The following LSAMP variants were observed in gnomAD, a reference collection of about 807,000 sequenced individuals.
LSAMP encodes limbic system associated membrane protein.
Under a neutral mutation model 38.6 loss-of-function variants are expected in LSAMP, and 7 were observed. That is an observed-to-expected ratio of 0.18 (90% CI 0.10 to 0.34). The LOEUF (loss-of-function observed/expected upper bound fraction) is 0.34. Ranked by LOEUF, LSAMP falls within the 10% of genes least tolerant of loss-of-function variation. The pLI is 1.00. For synonymous variants in LSAMP, 154 were observed against 166.8 expected (o/e 0.92, Z 0.59); for missense variants, 313 against 420.0 (o/e 0.75, Z 2.23).
intron 1 of LSAMP, among the ~76,000 whole-genome samples, chr3:116,222,414 C>T (rs976354334): frequency 6.6e-6 from 1 of 151,784 alleles, no homozygotes; most frequent in Non-Finnish European, 1.5e-5. Context: ...AAAAAATGTC[C>T]CCTTCAGGGC....
At chr3:116,269,776 T>A (rs1274752831) in intron 1 of LSAMP, among the ~76,000 whole-genome samples, 1 of 152,162 alleles carries the variant, frequency 6.6e-6, no homozygotes, top group African/African-American at 2.4e-5. Context: ...TGGTTCTTTG[T>A]TTGATCAATT....
intron 1 of LSAMP, among the ~76,000 whole-genome samples, chr3:116,303,101 GA>G (rs2107708268): frequency 6.7e-6 from 1 of 149,474 alleles, no homozygotes; most frequent in Admixed American, 6.7e-5. Context: ...CCAAAAAAAT[GA>G]AATAGCAAGA....
At chr3:115,988,427 A>G (rs897519141) in intron 3 of LSAMP, among the ~76,000 whole-genome samples, 13 of 152,080 alleles carry the variant, frequency 8.5e-5, no homozygotes, top group Admixed American at 4.6e-4. Context: ...GGTAGGGAAT[A>G]GAATGTCTGT....
At chr3:116,177,471 G>A (rs1710375945) in intron 1 of LSAMP, among the ~76,000 whole-genome samples, 1 of 151,996 alleles carries the variant, frequency 6.6e-6, no homozygotes, top group Non-Finnish European at 1.5e-5. Context: ...TTCAATAAAT[G>A]CAAAATAGGT....
intron 3 of LSAMP, among the ~76,000 whole-genome samples, chr3:115,859,285 T>C (rs116576385): frequency 0.011 from 1,686 of 151,938 alleles, 32 homozygotes; most frequent in African/African-American, 0.039. Context: ...GTAGATGCAG[T>C]CGTCAAAAGC....
At chr3:115,944,383 G>C (rs1051399123) in intron 3 of LSAMP, among the ~76,000 whole-genome samples, 36 of 151,914 alleles carry the variant, frequency 2.4e-4, no homozygotes, top group African/African-American at 8.5e-4. Flanking sequence ...TTGAACCTTT[G>C]GGTGACTGTC....
rs531895409 is a variant in LSAMP, at chr3:116,424,191, G to A, written c.155+20686C>T. Among the ~76,000 whole-genome samples, 13 of 152,224 alleles carry A rather than the reference G, an allele frequency of 8.5e-5. No individual in the cohort carries two copies. The East Asian group carries it at 1.4e-3, about 16-fold the overall frequency. On this transcript the variant is annotated intron_variant, in intron 1 of 6. Transcript: ENST00000490035. ...CATGTCCTCCTTTCCTCCTTTACTC[G>A]GGTCTGGTGAGGACTAATTAGGCAA...
chr3:116,169,972 C>T lies in LSAMP; in HGVS notation c.156-83416G>A, dbSNP rs57980366. Among the ~76,000 whole-genome samples, 276 of 152,200 alleles carry T rather than the reference C, an allele frequency of 1.8e-3. 1 individual carries two copies. The highest frequency in any genetic ancestry group is 6.2e-3 in the African/African-American group (258 of 41,528). Reference sequence around the variant, plus strand: ...AGTGATGGGCACTAACAATTTCCAGCGAATTAACGAGCTTAAACCTCACCT... The same window carrying T: ...AGTGATGGGCACTAACAATTTCCAGTGAATTAACGAGCTTAAACCTCACCT... On this transcript the variant is annotated intron_variant, in intron 1 of 6. Coordinates refer to ENST00000490035, the MANE Select transcript of LSAMP (RefSeq NM_002338.5).
chr3:115,810,437 GA>G, intron 6 of LSAMP, 23 bp from the exon 7 acceptor site: 1 of 1,538,028 alleles, frequency 6.5e-7, no homozygotes, highest in Non-Finnish European at 9.0e-7. Flanking sequence ...AGAGGAGAGA[GA>G]AAAAGAGAAT....
chr3:115,827,197 A>T (rs1934446388), intron 6 of LSAMP, among the ~76,000 whole-genome samples: 1 of 152,186 alleles, frequency 6.6e-6, no homozygotes, highest in African/African-American at 2.4e-5. Flanking sequence ...CCACACGTAT[A>T]GTTGAAAAAC....
intron 1 of LSAMP, among the ~76,000 whole-genome samples, chr3:116,437,910 T>C (rs952335337): frequency 6.6e-6 from 1 of 152,130 alleles, no homozygotes; most frequent in Non-Finnish European, 1.5e-5. Context: ...TAAAATGAGA[T>C]GGTGGACTGC....
At chr3:116,114,501 C>CT (rs34046466) in intron 1 of LSAMP, among the ~76,000 whole-genome samples, 3,532 of 147,778 alleles carry the variant, frequency 0.024, 50 homozygotes, top group Non-Finnish European at 0.031. Context: ...TCCAGAAATG[C>CT]TTTTTTTTTT....
chr3:116,319,600 G>T (rs1219029798), intron 1 of LSAMP, among the ~76,000 whole-genome samples: 2 of 152,108 alleles, frequency 1.3e-5, no homozygotes, highest in Non-Finnish European at 2.9e-5. Flanking sequence ...AACACTAGCT[G>T]GAGAGTGTGT....
chr3:115,972,541 C>G (rs1009955639), intron 3 of LSAMP, among the ~76,000 whole-genome samples: 2 of 151,574 alleles, frequency 1.3e-5, no homozygotes, highest in African/African-American at 4.8e-5. Flanking sequence ...GGGGAATAAA[C>G]TCTCCTTTAT....
intron 1 of LSAMP, among the ~76,000 whole-genome samples, chr3:116,347,324 G>A (rs571928262): frequency 7.9e-5 from 12 of 152,054 alleles, no homozygotes; most frequent in Non-Finnish European, 1.6e-4. Flanking sequence ...GTATTTTCAC[G>A]GTTAGTAGGT....
chr3:116,160,470 A>C (rs1490161558), intron 1 of LSAMP, among the ~76,000 whole-genome samples: 1 of 151,556 alleles, frequency 6.6e-6, no homozygotes, highest in Non-Finnish European at 1.5e-5. Flanking sequence ...AAAAGAAGAG[A>C]AAAGAGGAGA....
At chr3:116,241,612 A>C (rs560935495) in intron 1 of LSAMP, among the ~76,000 whole-genome samples, 1 of 152,324 alleles carries the variant, frequency 6.6e-6, no homozygotes, top group East Asian at 1.9e-4. Flanking sequence ...AAAATGTCTT[A>C]GTATACTTTT....
intron 6 of LSAMP, among the ~76,000 whole-genome samples, chr3:115,812,992 T>C (rs960352935): frequency 3.9e-5 from 6 of 152,142 alleles, no homozygotes; most frequent in Non-Finnish European, 2.9e-5. Flanking sequence ...AATACATGTA[T>C]ACATACATAT....
intron 3 of LSAMP, among the ~76,000 whole-genome samples, chr3:115,890,801 T>C (rs970083579): frequency 6.6e-6 from 1 of 151,866 alleles, no homozygotes; most frequent in African/African-American, 2.4e-5. Context: ...AGCCAAAGGA[T>C]AGCTATTGTG....
Sources: allele counts gnomAD v4.1 joint callset (sites outside exome capture counted in the v4.1 genomes callset), GRCh38; gene constraint gnomAD v4.1.1; transcripts MANE v1.5; gene names NCBI Gene and HGNC (gene_info 2026-07-23, HGNC 2026-07-21).